CRADD: variants seen among roughly 807,000 people sequenced by gnomAD.
CRADD encodes CARD and death domain containing adaptor protein, also known as death domain-containing protein CRADD.
In CRADD, 9 loss-of-function variants were observed where a neutral mutation model predicts 15.5. The ratio of observed to expected loss-of-function variants is 0.58; its 90% CI spans 0.35 to 1.01. The LOEUF (loss-of-function observed/expected upper bound fraction) is 1.01. CRADD is among the 50% of genes least tolerant of loss of function. The pLI is 0.02. For missense variants in CRADD, 227 were observed against 250.3 expected (o/e 0.91, Z 0.63); for synonymous variants, 118 against 107.6 (o/e 1.10, Z -0.60).
chr12:93,861,871 C>T (rs1446106630), intron 2 of CRADD, among the ~76,000 whole-genome samples: 1 of 151,884 alleles, frequency 6.6e-6, no homozygotes, highest in African/African-American at 2.4e-5. Flanking sequence ...TGGCTGTGTC[C>T]CGACCCAAAT....
chr12:93,768,634 T>G (rs1451351505), intron 2 of CRADD, among the ~76,000 whole-genome samples: 1 of 152,214 alleles, frequency 6.6e-6, no homozygotes, highest in Non-Finnish European at 1.5e-5. Flanking sequence ...GCTTTTTTCA[T>G]GTAATATATC....
At chr12:93,864,132 A>G (rs953866849) in intron 2 of CRADD, among the ~76,000 whole-genome samples, 3 of 152,152 alleles carry the variant, frequency 2.0e-5, no homozygotes, top group Non-Finnish European at 4.4e-5. Context: ...ATAGCTTACT[A>G]TAGCCTCGAA....
intron 2 of CRADD, among the ~76,000 whole-genome samples, chr12:93,797,896 T>C (rs897637822): frequency 6.6e-6 from 1 of 152,224 alleles, no homozygotes; most frequent in Non-Finnish European, 1.5e-5. Context: ...TTTAGGGGGC[T>C]TCCAGGATCG....
chr12:93,796,927 G>A (rs1235862158), intron 2 of CRADD, among the ~76,000 whole-genome samples: 2 of 152,112 alleles, frequency 1.3e-5, no homozygotes, highest in Admixed American at 1.3e-4. Flanking sequence ...GGCACATCCT[G>A]GTACCACCTC....
intron 2 of CRADD, among the ~76,000 whole-genome samples, chr12:93,845,801 A>G (rs1374592177): frequency 6.6e-6 from 1 of 152,190 alleles, no homozygotes; most frequent in African/African-American, 2.4e-5. Flanking sequence ...AAATGTACAT[A>G]ACATAGAATT....
intron 2 of CRADD, among the ~76,000 whole-genome samples, chr12:93,788,895 C>T (rs565032069): frequency 1.9e-4 from 29 of 152,206 alleles, no homozygotes; most frequent in African/African-American, 6.5e-4. Flanking sequence ...TAGTCCCTGT[C>T]GTCATCAGCC....
intron 2 of CRADD, among the ~76,000 whole-genome samples, chr12:93,687,606 G>T (rs1955467336): frequency 6.6e-6 from 1 of 152,192 alleles, no homozygotes; most frequent in Admixed American, 6.5e-5. Context: ...CTGACCAGCT[G>T]GTTAGGAGCG....
Position 93,826,106 on chromosome 12 carries a change from A to G in CRADD, c.299-23864A>G, listed in dbSNP as rs142780940. Reference sequence around the variant, plus strand: ...GCCTCTATGAGGGACTTCTGAAGCCAGAGATATTCTTTGTAACTGAGGTCC... The same window carrying G: ...GCCTCTATGAGGGACTTCTGAAGCCGGAGATATTCTTTGTAACTGAGGTCC... On this transcript the variant is annotated intron_variant, in intron 2 of 2. Transcript: ENST00000332896. 3.0e-4 allele frequency among the ~76,000 whole-genome samples: 46 copies of G among 152,302 alleles called. No homozygotes were observed. The East Asian group carries it at 8.3e-3, about 27-fold the overall frequency.
intron 2 of CRADD, among the ~76,000 whole-genome samples, chr12:93,836,859 C>G (rs918686916): frequency 1.3e-5 from 2 of 152,202 alleles, no homozygotes; most frequent in Non-Finnish European, 1.5e-5. Flanking sequence ...ACTTACATTC[C>G]AGCAGGCATG....
At chr12:93,807,692 T>C (rs1248016576) in intron 2 of CRADD, among the ~76,000 whole-genome samples, 2 of 152,096 alleles carry the variant, frequency 1.3e-5, no homozygotes, top group Admixed American at 1.3e-4. Flanking sequence ...CTGAGTGATA[T>C]GACTGGAATG....
At chr12:93,791,561 G>A (rs1343779990) in intron 2 of CRADD, among the ~76,000 whole-genome samples, 1 of 152,140 alleles carries the variant, frequency 6.6e-6, no homozygotes, top group Non-Finnish European at 1.5e-5. Context: ...TTAGTCAAAT[G>A]TACAAAATCT....
Position 93,773,547 on chromosome 12 carries a change from G to A in CRADD, c.299-76423G>A, listed in dbSNP as rs192097422. ...TCTTGGGTATGTCTGTATCAGCAGT[G>A]TGAAACAGACTAATACAGGTTATTT... On this transcript the variant is annotated intron_variant, in intron 2 of 2. Coordinates refer to ENST00000332896, the MANE Select transcript of CRADD (RefSeq NM_003805.5). 1.3e-3 allele frequency among the ~76,000 whole-genome samples: 194 copies of A among 152,288 alleles called. 1 individual carries two copies. The highest frequency in any genetic ancestry group is 4.5e-3 in the African/African-American group (186 of 41,548).
intron 2 of CRADD, among the ~76,000 whole-genome samples, chr12:93,866,904 G>T (rs1181272336): frequency 2.0e-5 from 3 of 152,144 alleles, no homozygotes; most frequent in Admixed American, 6.6e-5. Context: ...AATGATTGCT[G>T]CCTTCAACTG....
At chr12:93,831,383 AT>A (rs1204159000) in intron 2 of CRADD, 1 of 152,210 alleles carries the variant, frequency 6.6e-6, no homozygotes, top group Non-Finnish European at 1.5e-5. Context: ...GAAGAATGAA[AT>A]TTTTTAATAA....
chr12:93,779,486 TGAAAA>T (rs1957176175), intron 2 of CRADD, among the ~76,000 whole-genome samples: 1 of 151,342 alleles, frequency 6.6e-6, no homozygotes, highest in African/African-American at 2.4e-5. Context: ...TATAGAGACT[TGAAAA>T]GAGTACAAAA....
intron 2 of CRADD, among the ~76,000 whole-genome samples, chr12:93,744,322 G>T (rs1956723196): frequency 6.6e-6 from 1 of 152,200 alleles, no homozygotes; most frequent in Admixed American, 6.5e-5. Flanking sequence ...AGCACTAACT[G>T]CTGGCTGTTA....
chr12:93,750,691 A>C (rs1018351399), intron 2 of CRADD, among the ~76,000 whole-genome samples: 6 of 152,130 alleles, frequency 3.9e-5, no homozygotes, highest in African/African-American at 1.4e-4. Flanking sequence ...TGCCATGCTC[A>C]CTATATATTT....
chr12:93,867,403 A>ATATATATATATATATATT (rs985334638), intron 2 of CRADD, among the ~76,000 whole-genome samples: 1 of 143,378 alleles, frequency 7.0e-6, no homozygotes, highest in African/African-American at 2.5e-5. Context: ...ATATATATAT[A>ATATATATATATATATATT]TTTTTTAAAC....
chr12:93,717,881 G>GT (rs1443206741), intron 2 of CRADD, among the ~76,000 whole-genome samples: 1 of 152,044 alleles, frequency 6.6e-6, no homozygotes, highest in East Asian at 1.9e-4. Context: ...GATTCTTTTT[G>GT]TTTTTTTGCA....
Sources: allele counts gnomAD v4.1 joint callset (sites outside exome capture counted in the v4.1 genomes callset), GRCh38; gene constraint gnomAD v4.1.1; transcripts MANE v1.5; gene names NCBI Gene and HGNC (gene_info 2026-07-23, HGNC 2026-07-21).